Variants in ULK2 observed in about 807,000 individuals in gnomAD.
The protein encoded by ULK2 is unc-51 like autophagy activating kinase 2.
In ULK2, 76 loss-of-function variants were observed where a neutral mutation model predicts 127.5. That is an observed-to-expected ratio of 0.60 (90% CI 0.50 to 0.72). ULK2 has a LOEUF of 0.72. ULK2 is among the 30% of genes least tolerant of loss of function. The pLI is 0.00. For synonymous variants in ULK2, 452 were observed against 461.9 expected (o/e 0.98, Z 0.28); for missense variants, 1,144 against 1,295.9 (o/e 0.88, Z 1.80).
chr17:19,839,182 A>T (rs1423820054), intron 9 of ULK2, among the ~76,000 whole-genome samples: 1 of 152,192 alleles, frequency 6.6e-6, no homozygotes. Context: ...GCATAGCTTC[A>T]ATCTTGCACT....
chr17:19,865,835 A>G lies in ULK2; in HGVS notation c.91-7T>C. The G allele has an allele frequency of 6.6e-7, 1 of 1,504,922 alleles. No individual in the cohort carries two copies. Among genetic ancestry groups the G allele is most frequent in the Non-Finnish European group, 9.1e-7 (1 of 1,093,350 alleles). The allele number at this position is 1,504,922 out of a possible 1,614,324, so 93.2% of individuals were successfully genotyped here. A position where few individuals can be genotyped will look rare whatever the true frequency, so the allele number is the denominator to read the frequency against. Reference sequence around the variant, plus strand: ...CTACCTCCCAATCAGTTTTCTGAAAAGGAAAAACAGTGTTACTCCTAGATA... The same window carrying G: ...CTACCTCCCAATCAGTTTTCTGAAAGGGAAAAACAGTGTTACTCCTAGATA... On this transcript the variant is annotated splice_polypyrimidine_tract_variant and splice_region_variant and intron_variant, in intron 1 of 26. Transcript: ENST00000395544.
chr17:19,793,134 G>A (rs1235736597), intron 20 of ULK2, among the ~76,000 whole-genome samples: 2 of 152,160 alleles, frequency 1.3e-5, no homozygotes, highest in Non-Finnish European at 2.9e-5. Flanking sequence ...GGGAAGCAAG[G>A]CACTTTCTTG....
rs143170663 is a variant in ULK2 at position 19,847,706 on chromosome 17, T to C, written c.296-796A>G. ...CTGGGACTACAGGCATGTATCACCA[T>C]GCCCAGCTAATTTTTCTATTTTTGT... is the stretch of plus-strand genomic sequence containing the variant. On this transcript the variant is annotated intron_variant, in intron 5 of 26. Coordinates refer to ENST00000395544, the MANE Select transcript of ULK2 (RefSeq NM_014683.4). Among the ~76,000 whole-genome samples, 1,123 of 152,260 alleles carry C rather than the reference T, an allele frequency of 7.4e-3. 9 individuals are homozygous for C. The highest frequency in any genetic ancestry group is 0.025 in the African/African-American group (1,054 of 41,556).
At chr17:19,823,975 A>G (rs2041225369) in intron 12 of ULK2, among the ~76,000 whole-genome samples, 1 of 152,176 alleles carries the variant, frequency 6.6e-6, no homozygotes, top group African/African-American at 2.4e-5. Context: ...CCCTGCATGC[A>G]ATAAGTGCTT....
intron 13 of ULK2, 52 bp downstream of exon 13, chr17:19,816,697 C>A: frequency 2.1e-6 from 3 of 1,437,926 alleles, no homozygotes; most frequent in Non-Finnish European, 2.7e-6. Flanking sequence ...AAAAAAGATG[C>A]TAGTTTAGTA....
In ULK2 at chr17:19,783,861, G is replaced by C. The variant is rs749044855; in HGVS notation, c.2296C>G (p.Arg766Gly). The C allele has an allele frequency of 6.3e-7, 1 of 1,575,232 alleles. No homozygotes were observed. Among genetic ancestry groups the C allele is most frequent in the Non-Finnish European group, 8.6e-7 (1 of 1,161,198 alleles). The change falls in exon 22 of 27, where the codon CGC (arginine) becomes GGC (glycine). Residue 766 changes from arginine (R) to glycine (G), a missense_variant. Around this residue, in one of 2 missense-constraint regions of ULK2, gnomAD observed 913 missense variants for 970.5 expected, o/e 0.94. Transcript: ENST00000395544. ...SGGSLCAMSG[R>G]VCVGSPPGPG... is the part of the protein sequence containing the mutation. The stretch of plus-strand genomic sequence containing the variant: ...CCAGGCGGGGACCCCACGCACACGC[G>C]GCCACTCATGGCACAAAGAGAGCCC...
intron 10 of ULK2, among the ~76,000 whole-genome samples, chr17:19,833,019 A>T (rs2041498328): frequency 6.7e-6 from 1 of 150,256 alleles, no homozygotes; most frequent in Non-Finnish European, 1.5e-5. Flanking sequence ...GCTACTCGGG[A>T]GGCTGAGGCA....
intron 10 of ULK2, among the ~76,000 whole-genome samples, chr17:19,838,018 G>A (rs936089243): frequency 2.0e-5 from 3 of 152,110 alleles, no homozygotes; most frequent in Admixed American, 1.3e-4. Context: ...AAGCTTACAG[G>A]CATGCTCCCA....
intron 13 of ULK2, 109 bp downstream of exon 13, chr17:19,816,636 ATGCT>A: frequency 3.3e-6 from 3 of 920,686 alleles, no homozygotes; most frequent in Non-Finnish European, 4.5e-6. Flanking sequence ...ACTAAATAAA[ATGCT>A]CATTTGAAAA....
chr17:19,828,712 T>G (rs909275659), intron 10 of ULK2, among the ~76,000 whole-genome samples: 25 of 152,198 alleles, frequency 1.6e-4, no homozygotes, highest in African/African-American at 6.0e-4. Context: ...GTGAAAATCT[T>G]TCCTCATCAG....
rs2152379451 is a variant in ULK2 at position 19,772,182 on chromosome 17, G to A, written c.*4167C>T. 6.6e-6 allele frequency: 1 copy of A among 152,384 alleles called. No individual in the cohort carries two copies. The highest frequency in any genetic ancestry group is 2.1e-4 in the South Asian group (1 of 4,828). 9.4% of individuals were successfully genotyped at this position (152,384 alleles called of 1,614,324 possible). A position where few individuals can be genotyped will look rare whatever the true frequency, so the allele number is the denominator to read the frequency against. ...AGCCTCTGCTCCTTTCCCTAGTACA[G>A]TTTGATCTCTGAATTCACTTTGATC... is the stretch of plus-strand genomic sequence containing the variant. On this transcript the variant is annotated 3_prime_UTR_variant, in exon 27 of 27. Transcript: ENST00000395544.
At chr17:19,797,797 T>C in intron 17 of ULK2, 115 bp from the exon 18 acceptor site, 2 of 1,029,864 alleles carry the variant, frequency 1.9e-6, no homozygotes, top group South Asian at 2.4e-5. Context: ...TTATTTTTCA[T>C]AAGACATTCT....
At chr17:19,779,601 A>T (rs1311739996) in intron 25 of ULK2, among the ~76,000 whole-genome samples, 1 of 151,128 alleles carries the variant, frequency 6.6e-6, no homozygotes, top group Non-Finnish European at 1.5e-5. Flanking sequence ...CCACTTAACT[A>T]CTTTTTCAAC....
chr17:19,793,446 C>T (rs530508107), intron 20 of ULK2, among the ~76,000 whole-genome samples: 1 of 152,224 alleles, frequency 6.6e-6, no homozygotes, highest in East Asian at 1.9e-4. Flanking sequence ...ACTGAATAGC[C>T]CATCCAAAAG....
Position 19,838,576 on chromosome 17 carries a change from T to C in ULK2, c.712A>G (p.Arg238Gly). ...TTAGCCAAATAAGGTGATGTTTCTC[T>C]GGGAATACTGGGGGAAAGGAAAAAC... ...KNRSLMPSIP[R>G]ETSPYLANLL... Residue 238 changes from arginine to glycine, a missense_variant, in exon 10 of 27, where the codon AGA (arginine) becomes GGA (glycine). Arg to Gly is a moderately radical substitution (Grantham distance 125). Around this residue, in one of 2 missense-constraint regions of ULK2, gnomAD observed 231 missense variants for 325.4 expected, o/e 0.71. Coordinates refer to ENST00000395544, the MANE Select transcript of ULK2 (RefSeq NM_014683.4). The C allele has an allele frequency of 6.2e-7, 1 of 1,612,484 alleles. No individual in the cohort carries two copies. Among genetic ancestry groups the C allele is most frequent in the South Asian group, 1.1e-5 (1 of 90,682 alleles).
chr17:19,862,156 G>A (rs1031968068), intron 3 of ULK2, among the ~76,000 whole-genome samples: 3 of 151,000 alleles, frequency 2.0e-5, no homozygotes, highest in African/African-American at 7.3e-5. Flanking sequence ...GAGTGCAGTG[G>A]CACGATCTCA....
At chr17:19,842,814 C>T (rs1187763764) in intron 8 of ULK2, among the ~76,000 whole-genome samples, 3 of 152,054 alleles carry the variant, frequency 2.0e-5, no homozygotes, top group African/African-American at 7.2e-5. Context: ...TTCCGGGATC[C>T]CAAAACCAGG....
At chr17:19,856,846 A>G (rs911173703) in intron 3 of ULK2, among the ~76,000 whole-genome samples, 22 of 151,058 alleles carry the variant, frequency 1.5e-4, no homozygotes, top group East Asian at 3.9e-4. Context: ...GCATGGTGGT[A>G]GGCGCCTGTA....
rs190736818 is a variant in ULK2 at position 19,796,385 on chromosome 17, G to C, written c.1810-103C>G. On this transcript the variant is annotated intron_variant, in intron 18 of 26. Transcript: ENST00000395544. ...GTGACCCAGTAGTCAGGAGCATGTA[G>C]GAGATAGGTCGGGTGGTGGGAAAAA... 4.8e-4 allele frequency: 517 copies of C among 1,088,154 alleles called. 1 individual carries two copies. The highest frequency in any genetic ancestry group is 6.6e-4 in the Middle Eastern group (2 of 3,052). 67.4% of individuals were successfully genotyped at this position (1,088,154 alleles called of 1,614,324 possible). A position where few individuals can be genotyped will look rare whatever the true frequency, so the allele number is the denominator to read the frequency against.
Sources: gnomAD v4.1 joint callset for allele counts (sites outside exome capture counted in the v4.1 genomes callset) on GRCh38, gnomAD v4.1.1 for gene constraint, gnomAD v4.1.1 regional missense constraint, MANE v1.5 for transcripts, NCBI Gene and HGNC (gene_info 2026-07-23, HGNC 2026-07-21) for gene names.